Variants in DLGAP4 observed in about 807,000 individuals in gnomAD.
The protein encoded by DLGAP4 is DLG associated protein 4.
DLGAP4 carries 18 observed loss-of-function variants against 86.9 expected under a neutral mutation model. The ratio of observed to expected loss-of-function variants is 0.21; its 90% CI spans 0.14 to 0.31. The LOEUF (loss-of-function observed/expected upper bound fraction) is 0.31, where lower values mean the gene tolerates loss of function less well. DLGAP4 is among the 10% of genes least tolerant of loss of function. The probability of loss-of-function intolerance (pLI) is 1.00; values close to 1 mark genes in which losing one functional copy is unlikely to be tolerated. For synonymous variants in DLGAP4, 548 were observed against 574.3 expected, an observed-to-expected ratio of 0.95 and a Z score of 0.65; for missense variants, 1,085 against 1,362.6, an observed-to-expected ratio of 0.80 and a Z score of 3.21.
At chr20:36,462,276 GTC>G (rs2034120469) in intron 7 of DLGAP4, 1 of 1,296,212 alleles carries the variant, frequency 7.7e-7, no homozygotes, top group Non-Finnish European at 9.7e-7. Context: ...CCCTGTCGCT[GTC>G]TCTCCTTGTT....
At chr20:36,469,120 C>T (rs1332911010) in intron 7 of DLGAP4, among the ~76,000 whole-genome samples, 1 of 152,190 alleles carries the variant, frequency 6.6e-6, no homozygotes, top group Non-Finnish European at 1.5e-5. Context: ...TAGAAAGAGG[C>T]TTGACCAAGC....
At chr20:36,343,027 G>C (rs1600415748) in intron 1 of DLGAP4, among the ~76,000 whole-genome samples, 1 of 152,202 alleles carries the variant, frequency 6.6e-6, no homozygotes, top group Non-Finnish European at 1.5e-5. Context: ...GGGGAGGGGA[G>C]AGGGAGAGGA....
chr20:36,324,532 T>A (rs1358793967), intron 1 of DLGAP4, among the ~76,000 whole-genome samples: 4 of 152,210 alleles, frequency 2.6e-5, no homozygotes, highest in Non-Finnish European at 4.4e-5. Context: ...CAAATTTAAT[T>A]ATTTTGCATG....
rs372832327 is a variant in DLGAP4 at position 36,526,751 on chromosome 20, G to A, written c.2761-62G>A. The A allele has an allele frequency of 6.4e-4, 938 of 1,463,388 alleles. 10 individuals are homozygous for A. The African/African-American group carries it at 0.012, about 19-fold the overall frequency. 90.7% of individuals were successfully genotyped at this position (1,463,388 alleles called of 1,614,324 possible). A position where few individuals can be genotyped will look rare whatever the true frequency, so the allele number is the denominator to read the frequency against. On this transcript the variant is annotated intron_variant, in intron 12 of 12. Transcript: ENST00000339266. ...CAGCTGCCGGCATATGGTGGGGGTA[G>A]TGCCACACAAAACGTGGCACCTTTA...
intron 7 of DLGAP4, among the ~76,000 whole-genome samples, chr20:36,476,318 CTTTTTTT>C (rs1028980966): frequency 2.5e-5 from 3 of 119,638 alleles, no homozygotes; most frequent in East Asian, 4.8e-4. Flanking sequence ...TGGCAACCAC[CTTTTTTT>C]TTTTTTTTTT....
intron 1 of DLGAP4, among the ~76,000 whole-genome samples, chr20:36,352,184 G>A (rs2030178129): frequency 1.3e-5 from 2 of 151,998 alleles, no homozygotes; most frequent in South Asian, 4.1e-4. Context: ...GGAGGCCAGA[G>A]TTGGGGAAGG....
In DLGAP4 at chr20:36,527,520, C is replaced by T. The variant is rs1433895943; in HGVS notation, c.*489C>T. 1 of 153,942 alleles carries T rather than the reference C, an allele frequency of 6.5e-6. No homozygotes were observed. The highest frequency in any genetic ancestry group is 1.4e-5 in the Non-Finnish European group (1 of 69,020). The allele number at this position is 153,942 out of a possible 1,614,324, so 9.5% of individuals were successfully genotyped here. A position where few individuals can be genotyped will look rare whatever the true frequency, so the allele number is the denominator to read the frequency against. The stretch of plus-strand genomic sequence containing the variant: ...TTCCCTTCAGAGCTCACACAGTGGT[C>T]ACCATTGTGGCAAGCGGCTTTCTGG... On this transcript the variant is annotated 3_prime_UTR_variant, in exon 13 of 13. Coordinates refer to ENST00000339266, the MANE Select transcript of DLGAP4 (RefSeq NM_001365621.2).
chr20:36,509,227 A>G (rs1021663044), intron 10 of DLGAP4, among the ~76,000 whole-genome samples: 1 of 152,136 alleles, frequency 6.6e-6, no homozygotes, highest in Non-Finnish European at 1.5e-5. Context: ...GTTCAAAACT[A>G]GCCTGGACAA....
At chr20:36,365,027 C>T (rs1274446764) in intron 1 of DLGAP4, among the ~76,000 whole-genome samples, 1 of 152,160 alleles carries the variant, frequency 6.6e-6, no homozygotes, top group Non-Finnish European at 1.5e-5. Flanking sequence ...CCCAGAAGGT[C>T]AAGGCTACAG....
At chr20:36,454,258 CAAA>C in intron 7 of DLGAP4, among the ~76,000 whole-genome samples, 1 of 136,004 alleles carries the variant, frequency 7.4e-6, no homozygotes, top group African/African-American at 2.8e-5. Flanking sequence ...GACTCTGTCT[CAAA>C]AAAAAAAAAA....
intron 7 of DLGAP4, among the ~76,000 whole-genome samples, chr20:36,454,813 G>T (rs1272217407): frequency 2.0e-5 from 3 of 152,224 alleles, no homozygotes; most frequent in East Asian, 3.8e-4. Context: ...AGCAGGGCGT[G>T]GGCAGGGTGA....
chr20:36,402,861 A>G (rs1308930906), intron 2 of DLGAP4, among the ~76,000 whole-genome samples: 2 of 152,220 alleles, frequency 1.3e-5, no homozygotes, highest in African/African-American at 4.8e-5. Context: ...CAAAGTTCAC[A>G]CAGATGGTGG....
At chr20:36,438,371 C>CAA (rs201711407) in intron 4 of DLGAP4, among the ~76,000 whole-genome samples, 3 of 78,006 alleles carry the variant, frequency 3.8e-5, no homozygotes, top group African/African-American at 6.9e-5. Context: ...GAGACTGTCT[C>CAA]AAAAAAAAAT....
intron 1 of DLGAP4, among the ~76,000 whole-genome samples, chr20:36,312,148 G>A (rs1485126048): frequency 1.3e-5 from 2 of 152,142 alleles, no homozygotes; most frequent in Non-Finnish European, 2.9e-5. Context: ...GGAGAACTGT[G>A]GCCTCTCTCC....
intron 10 of DLGAP4, among the ~76,000 whole-genome samples, chr20:36,503,384 G>C (rs1218442480): frequency 6.6e-6 from 1 of 151,550 alleles, no homozygotes; most frequent in Non-Finnish European, 1.5e-5. Context: ...CTCATTAGGA[G>C]CCGCTCCCAC....
At chr20:36,337,076 C>T (rs564836937) in intron 1 of DLGAP4, among the ~76,000 whole-genome samples, 144 of 152,208 alleles carry the variant, frequency 9.5e-4, no homozygotes, top group African/African-American at 3.3e-3. Flanking sequence ...CAGCTGCAGC[C>T]GCATTTCCCC....
At chr20:36,525,473 A>G (rs2037693912) in intron 11 of DLGAP4, 1 of 307,542 alleles carries the variant, frequency 3.3e-6, no homozygotes, top group Non-Finnish European at 6.3e-6. Flanking sequence ...CACGAGGGAA[A>G]CAACACAGAT....
intron 7 of DLGAP4, among the ~76,000 whole-genome samples, chr20:36,452,701 G>T (rs568226131): frequency 8.6e-5 from 13 of 151,750 alleles, no homozygotes; most frequent in African/African-American, 3.1e-4. Flanking sequence ...GTAAAGGTGG[G>T]GTTTCATCAT....
chr20:36,499,806 G>C, intron 9 of DLGAP4, 130 bp downstream of exon 9: 1 of 864,740 alleles, frequency 1.2e-6, no homozygotes, highest in Non-Finnish European at 1.9e-6. Flanking sequence ...TGGGTTGCGG[G>C]TGGTGGCCCA....
Sources: allele counts gnomAD v4.1 joint callset (sites outside exome capture counted in the v4.1 genomes callset), GRCh38; gene constraint gnomAD v4.1.1; transcripts MANE v1.5; gene names NCBI Gene and HGNC (gene_info 2026-07-23, HGNC 2026-07-21).